Variants in ATP6V0D1 observed in about 807,000 individuals in gnomAD.
ATP6V0D1 encodes the protein V-type proton ATPase subunit d 1.
Under a neutral mutation model 39.0 loss-of-function variants are expected in ATP6V0D1, and 13 were observed. The ratio of observed to expected loss-of-function variants is 0.33; its 90% CI spans 0.22 to 0.53. The LOEUF is 0.53. Ranked by LOEUF, ATP6V0D1 falls within the 20% of genes least tolerant of loss-of-function variation. ATP6V0D1 has a pLI of 0.94. For missense variants in ATP6V0D1, 272 were observed against 470.9 expected (o/e 0.58, Z 3.91); for synonymous variants, 191 against 191.2 (o/e 1.00, Z 0.01).
chr16:67,460,911 G>T (rs945624377), intron 1 of ATP6V0D1, among the ~76,000 whole-genome samples: 2 of 152,214 alleles, frequency 1.3e-5, no homozygotes, highest in East Asian at 3.8e-4. Context: ...CAAGGACCTG[G>T]GTTCAAATCC....
At chr16:67,474,131 CAT>C (rs2142334277) in intron 1 of ATP6V0D1, among the ~76,000 whole-genome samples, 1 of 152,326 alleles carries the variant, frequency 6.6e-6, no homozygotes, top group African/African-American at 2.4e-5. Flanking sequence ...ACCTGTGTGA[CAT>C]ACTTGTATTA....
At chr16:67,455,582 C>G (rs1597576556) in intron 1 of ATP6V0D1, 2 of 152,198 alleles carry the variant, frequency 1.3e-5, no homozygotes, top group Admixed American at 1.3e-4. Context: ...CTACTTTTCT[C>G]CCATGGCCAC....
chr16:67,468,337 C>T (rs2041346439), intron 1 of ATP6V0D1, among the ~76,000 whole-genome samples: 1 of 151,926 alleles, frequency 6.6e-6, no homozygotes, highest in Admixed American at 6.6e-5. Flanking sequence ...CATGTAATCC[C>T]AGTACTTTGG....
intron 1 of ATP6V0D1, among the ~76,000 whole-genome samples, chr16:67,467,534 T>C (rs1451299820): frequency 1.3e-5 from 2 of 151,896 alleles, no homozygotes. Flanking sequence ...ACTCATCCAA[T>C]CAGGCAAATA....
At chr16:67,457,547 G>A in intron 1 of ATP6V0D1, 1 of 1,287,570 alleles carries the variant, frequency 7.8e-7, no homozygotes, top group Admixed American at 2.3e-5. Flanking sequence ...GAGGCAGCCT[G>A]AACACTCACT....
intron 2 of ATP6V0D1, among the ~76,000 whole-genome samples, chr16:67,449,467 CT>C (rs1308775699): frequency 1.3e-5 from 2 of 152,374 alleles, no homozygotes; most frequent in African/African-American, 4.8e-5. Flanking sequence ...AATGACTGGG[CT>C]TGGGCATGGT....
chr16:67,458,748 A>G (rs1303551471), intron 1 of ATP6V0D1, among the ~76,000 whole-genome samples: 1 of 152,110 alleles, frequency 6.6e-6, no homozygotes, highest in Non-Finnish European at 1.5e-5. Flanking sequence ...CCCAACTCAG[A>G]AGCAGCAGAC....
At chr16:67,461,581 C>T (rs1233946809) in intron 1 of ATP6V0D1, among the ~76,000 whole-genome samples, 4 of 152,192 alleles carry the variant, frequency 2.6e-5, no homozygotes, top group Admixed American at 1.3e-4. Context: ...CCTGCTGGCA[C>T]GGTCACATGC....
intron 2 of ATP6V0D1, chr16:67,452,419 G>T: frequency 1.3e-6 from 2 of 1,534,544 alleles, no homozygotes; most frequent in Admixed American, 2.0e-5. Flanking sequence ...TGGGCAAGTG[G>T]CTCCTAACTG....
chr16:67,444,764 C>CA lies in ATP6V0D1; in HGVS notation c.303-59dup. 1 of 1,477,966 alleles carries CA rather than the reference C, an allele frequency of 6.8e-7. No individual in the cohort carries two copies. Among genetic ancestry groups the CA allele is most frequent in the Non-Finnish European group, 9.1e-7 (1 of 1,101,762 alleles). 91.6% of individuals were successfully genotyped at this position (1,477,966 alleles called of 1,614,324 possible). A position where few individuals can be genotyped will look rare whatever the true frequency, so the allele number is the denominator to read the frequency against. On this transcript the variant is annotated intron_variant, in intron 2 of 7. Coordinates refer to ENST00000290949, the MANE Select transcript of ATP6V0D1 (RefSeq NM_004691.5). This position sits in a 1 kb window ranked among gnomAD's most constrained non-coding sequence, Gnocchi z 4.8. ...CAAGGTGGGGGCCGGGAAGTCCTGG[C>CA]ATAGCACCATGCCCTCGCCCGCCTG... is the stretch of plus-strand genomic sequence containing the variant.
rs751591759 is a variant in ATP6V0D1 at position 67,444,650 on chromosome 16, C to T, written c.359G>A (p.Arg120His). 1.2e-6 allele frequency: 2 copies of T among 1,612,526 alleles called. No individual in the cohort carries two copies. The highest frequency in any genetic ancestry group is 1.7e-6 in the Non-Finnish European group (2 of 1,179,190). The change falls in exon 3 of 8, where the codon CGC becomes CAC. Residue 120 changes from arginine to histidine, a missense_variant. Arg to His is a conservative substitution (Grantham distance 29, BLOSUM62 0). Transcript: ENST00000290949. The surrounding 1 kb of genome is among the most constrained non-coding windows in gnomAD (Gnocchi z 4.8). ...ILLITGTLHQ[R>H]SIAELVPKCH... ...CTTGGGCACGAGCTCAGCGATGGAG[C>T]GCTGGTGCAGCGTGCCTGTGATGAG...
intron 2 of ATP6V0D1, among the ~76,000 whole-genome samples, chr16:67,451,006 A>AC (rs2041173547): frequency 6.6e-6 from 1 of 152,140 alleles, no homozygotes; most frequent in South Asian, 2.1e-4. Flanking sequence ...CAGGAGAGCA[A>AC]TGGTGTTTAA....
intron 1 of ATP6V0D1, among the ~76,000 whole-genome samples, chr16:67,468,329 T>C (rs910331653): frequency 6.6e-6 from 1 of 151,972 alleles, no homozygotes; most frequent in African/African-American, 2.4e-5. Context: ...GGCTCATGCA[T>C]GTAATCCCAG....
Position 67,447,140 on chromosome 16 carries a change from G to A in ATP6V0D1, c.303-2434C>T, listed in dbSNP as rs1002718647. On this transcript the variant is annotated intron_variant, in intron 2 of 7. Coordinates refer to ENST00000290949, the MANE Select transcript of ATP6V0D1 (RefSeq NM_004691.5). The surrounding 1 kb of genome is among the most constrained non-coding windows in gnomAD (Gnocchi z 4.1). ...CATCTGTTTATGTGGGGGAAATGCT[G>A]AGCCTAGTAAGGGCCACTCACAATC... 6.6e-6 allele frequency among the ~76,000 whole-genome samples: 1 copy of A among 152,174 alleles called. No homozygotes were observed. The highest frequency in any genetic ancestry group is 1.5e-5 in the Non-Finnish European group (1 of 68,034).
At chr16:67,462,496 CAAGG>C (rs958153302) in intron 1 of ATP6V0D1, among the ~76,000 whole-genome samples, 7 of 152,162 alleles carry the variant, frequency 4.6e-5, no homozygotes, top group African/African-American at 9.7e-5. Context: ...CCAGGTAGCC[CAAGG>C]AAGGCCAGTT....
intron 1 of ATP6V0D1, among the ~76,000 whole-genome samples, chr16:67,459,764 C>T (rs1018257616): frequency 6.6e-6 from 1 of 152,258 alleles, no homozygotes; most frequent in Non-Finnish European, 1.5e-5. Context: ...CAGGCCTCTG[C>T]AGTTCCTCCC....
chr16:67,444,460 C>T lies in ATP6V0D1; in HGVS notation c.481+68G>A. ...TCAGGGTCGCCCCCCAGCGGGTCCA[C>T]AAACCCCACCCTGATGCGCTGATGC... On this transcript the variant is annotated intron_variant, in intron 3 of 7. Coordinates refer to ENST00000290949, the MANE Select transcript of ATP6V0D1 (RefSeq NM_004691.5). This position sits in a 1 kb window ranked among gnomAD's most constrained non-coding sequence, Gnocchi z 4.8. The T allele has an allele frequency of 6.7e-6, 10 of 1,502,964 alleles. No homozygotes were observed. The highest frequency in any genetic ancestry group is 8.9e-6 in the Non-Finnish European group (10 of 1,117,566). The allele number at this position is 1,502,964 out of a possible 1,614,324, so 93.1% of individuals were successfully genotyped here.
chr16:67,444,442 C>A lies in ATP6V0D1; in HGVS notation c.481+86G>T. 1.4e-6 allele frequency: 2 copies of A among 1,424,902 alleles called. No homozygotes were observed. Among genetic ancestry groups the A allele is most frequent in the Non-Finnish European group, 1.9e-6 (2 of 1,061,270 alleles). The allele number at this position is 1,424,902 out of a possible 1,614,324, so 88.3% of individuals were successfully genotyped here. A position where few individuals can be genotyped will look rare whatever the true frequency, so the allele number is the denominator to read the frequency against. On this transcript the variant is annotated intron_variant, in intron 3 of 7. Transcript: ENST00000290949. The surrounding 1 kb of genome is among the most constrained non-coding windows in gnomAD (Gnocchi z 4.8). ...CAGGTCTCACTTTCTGGCTCAGGGT[C>A]GCCCCCCAGCGGGTCCACAAACCCC...
rs1030109197 is a variant in ATP6V0D1, at chr16:67,459,076, G to C, written c.131-5361C>G. On this transcript the variant is annotated intron_variant, in intron 1 of 7. Coordinates refer to ENST00000290949, the MANE Select transcript of ATP6V0D1 (RefSeq NM_004691.5). ...TCTCCCCCACAGCCTGTGAGGCCCCGTGCCCTCAGCCCTAGCATTACCTCA... is the reference window on the plus strand; with the variant it reads ...TCTCCCCCACAGCCTGTGAGGCCCCCTGCCCTCAGCCCTAGCATTACCTCA... The C allele has an allele frequency of 9.1e-6, 9 of 985,558 alleles. No individual in the cohort carries two copies. The African/African-American group carries it at 1.6e-4, about 17-fold the overall frequency. 61.1% of individuals were successfully genotyped at this position (985,558 alleles called of 1,614,324 possible). A position where few individuals can be genotyped will look rare whatever the true frequency, so the allele number is the denominator to read the frequency against.
Sources: gnomAD v4.1 joint callset for allele counts (sites outside exome capture counted in the v4.1 genomes callset) on GRCh38, gnomAD v4.1.1 for gene constraint, Gnocchi (gnomAD v3.1) non-coding constraint, MANE v1.5 for transcripts, NCBI Gene and HGNC (gene_info 2026-07-23, HGNC 2026-07-21) for gene names.